EFHC1: variants seen among roughly 807,000 people sequenced by gnomAD.
The protein encoded by EFHC1 is EF-hand domain-containing protein 1.
Under a neutral mutation model 69.9 loss-of-function variants are expected in EFHC1, and 53 were observed. That is an observed-to-expected ratio of 0.76 (90% confidence interval 0.61 to 0.95). The LOEUF (loss-of-function observed/expected upper bound fraction) is 0.95. Among genes scored for constraint, EFHC1 ranks in the 40% least tolerant of loss-of-function variants. The probability of loss-of-function intolerance (pLI) is 0.00; values close to 1 mark genes in which losing one functional copy is unlikely to be tolerated. For synonymous variants in EFHC1, 256 were observed against 278.4 expected (o/e 0.92, Z 0.80); for missense variants, 739 against 798.7 (o/e 0.93, Z 0.90).
At chr6:52,439,198 T>C (rs746670130) in intron 3 of EFHC1, among the ~76,000 whole-genome samples, 12 of 152,166 alleles carry the variant, frequency 7.9e-5, no homozygotes, top group Non-Finnish European at 1.3e-4. Flanking sequence ...ATAGGTGGCC[T>C]TTCTTTACTA....
rs1473870839 is a variant in EFHC1, at chr6:52,494,481, G to T, written c.*2140G>T. ...AAAGGTTAAGCGGGTAGAAACCAGA[G>T]AAAAAGGGCAAAGTCTTATTTCTGT... On this transcript the variant is annotated 3_prime_UTR_variant, in exon 11 of 11. Coordinates refer to ENST00000371068, the MANE Select transcript of EFHC1 (RefSeq NM_018100.4). The T allele has an allele frequency of 2.2e-6, 1 of 454,100 alleles. No homozygotes were observed. Among genetic ancestry groups the T allele is most frequent in the East Asian group, 6.9e-5 (1 of 14,402 alleles). 28.1% of individuals were successfully genotyped at this position (454,100 alleles called of 1,614,324 possible). A position where few individuals can be genotyped will look rare whatever the true frequency, so the allele number is the denominator to read the frequency against.
intron 2 of EFHC1, among the ~76,000 whole-genome samples, chr6:52,431,287 G>A (rs929891802): frequency 5.3e-5 from 8 of 151,850 alleles, no homozygotes; most frequent in Non-Finnish European, 8.8e-5. Context: ...TTGAGGTGTG[G>A]CCTTAGATTG....
intron 9 of EFHC1, among the ~76,000 whole-genome samples, chr6:52,484,871 G>A (rs1765754867): frequency 6.6e-6 from 1 of 152,008 alleles, no homozygotes; most frequent in Admixed American, 6.5e-5. Context: ...AGAGAGAGGA[G>A]AAGTTATGAA....
At chr6:52,453,284 G>A in intron 4 of EFHC1, 1 of 1,287,578 alleles carries the variant, frequency 7.8e-7, no homozygotes, top group East Asian at 5.5e-5. Context: ...CACTACAGAT[G>A]CTTCCTTGTT....
At chr6:52,453,364 C>A in intron 4 of EFHC1, 1 of 1,287,176 alleles carries the variant, frequency 7.8e-7, no homozygotes, top group Non-Finnish European at 1.0e-6. Flanking sequence ...CCTTCCTAAT[C>A]CTCTCCCTTG....
chr6:52,447,663 T>C (rs1252933035), intron 3 of EFHC1, among the ~76,000 whole-genome samples: 2 of 152,254 alleles, frequency 1.3e-5, no homozygotes, highest in Non-Finnish European at 2.9e-5. Context: ...TTTTAGAATT[T>C]TTAGCTTTTC....
chr6:52,422,771 T>TAA (rs1254146870), intron 1 of EFHC1, among the ~76,000 whole-genome samples: 8 of 152,294 alleles, frequency 5.3e-5, no homozygotes, highest in African/African-American at 1.4e-4. Context: ...GTGTTCATTG[T>TAA]AAAAAATCAA....
intron 9 of EFHC1, chr6:52,487,090 C>T (rs1052334299): frequency 1.3e-5 from 2 of 151,762 alleles, no homozygotes; most frequent in African/African-American, 2.4e-5. Context: ...CATGACTACT[C>T]AACTCTACCC....
Position 52,495,807 on chromosome 6 carries a change from T to A in EFHC1, c.*3466T>A, listed in dbSNP as rs1305116931. 1 of 353,092 alleles carries A rather than the reference T, an allele frequency of 2.8e-6. No homozygotes were observed. Among genetic ancestry groups the A allele is most frequent in the Non-Finnish European group, 5.6e-6 (1 of 179,984 alleles). 21.9% of individuals were successfully genotyped at this position (353,092 alleles called of 1,614,324 possible). On this transcript the variant is annotated 3_prime_UTR_variant, in exon 11 of 11. Transcript: ENST00000371068. ...TTAAGTTTGCTGTCCACTTCTTGCC[T>A]TGCATCTCCTTTTAAGTTTACTTAA...
At chr6:52,432,432 G>A (rs1348587264) in intron 2 of EFHC1, among the ~76,000 whole-genome samples, 1 of 152,084 alleles carries the variant, frequency 6.6e-6, no homozygotes, top group Non-Finnish European at 1.5e-5. Flanking sequence ...TTGTTTTTCT[G>A]AAAAAGACTG....
chr6:52,470,317 A>G (rs1232379822), intron 7 of EFHC1, among the ~76,000 whole-genome samples: 5 of 152,210 alleles, frequency 3.3e-5, no homozygotes, highest in Non-Finnish European at 5.9e-5. Flanking sequence ...ATGTAGGCCA[A>G]CTAGAACACT....
intron 5 of EFHC1, among the ~76,000 whole-genome samples, chr6:52,461,181 AAC>A (rs1765157553): frequency 6.6e-6 from 1 of 152,100 alleles, no homozygotes; most frequent in African/African-American, 2.4e-5. Flanking sequence ...TATTAAGCCT[AAC>A]ACCCATCAGT....
chr6:52,443,936 C>G (rs531684185), intron 3 of EFHC1, among the ~76,000 whole-genome samples: 7 of 152,272 alleles, frequency 4.6e-5, no homozygotes, highest in Admixed American at 4.6e-4. Flanking sequence ...AATGTTCTTC[C>G]ATTTGTTTGT....
chr6:52,449,056 T>C (rs1764855518), intron 3 of EFHC1, among the ~76,000 whole-genome samples: 2 of 152,230 alleles, frequency 1.3e-5, no homozygotes, highest in Admixed American at 1.3e-4. Context: ...GAATCCCTCC[T>C]CCTCAACTTT....
At chr6:52,449,912 T>C (rs1451069319) in intron 3 of EFHC1, among the ~76,000 whole-genome samples, 1 of 152,210 alleles carries the variant, frequency 6.6e-6, no homozygotes, top group African/African-American at 2.4e-5. Flanking sequence ...GGTTGTTAAT[T>C]TGAGATGTAA....
At chr6:52,457,766 C>T (rs1281076412) in intron 5 of EFHC1, among the ~76,000 whole-genome samples, 1 of 152,156 alleles carries the variant, frequency 6.6e-6, no homozygotes, top group Non-Finnish European at 1.5e-5. Context: ...TTCAGACTGG[C>T]TTTCATAGTT....
intron 3 of EFHC1, 50 bp from the exon 4 acceptor site, chr6:52,452,638 C>T: frequency 1.9e-6 from 3 of 1,599,386 alleles, no homozygotes; most frequent in Non-Finnish European, 8.6e-7. Flanking sequence ...TTATAACTTA[C>T]TCTGAAAAGC....
At chr6:52,427,514 T>C (rs1484477617) in intron 2 of EFHC1, among the ~76,000 whole-genome samples, 1 of 151,798 alleles carries the variant, frequency 6.6e-6, no homozygotes, top group East Asian at 1.9e-4. Context: ...GCCACTCTGC[T>C]ATGGCAGTTC....
intron 9 of EFHC1, chr6:52,484,001 G>A (rs1456965727): frequency 6.6e-6 from 1 of 152,364 alleles, no homozygotes; most frequent in East Asian, 1.9e-4. Context: ...GGCAGAGAAA[G>A]TGAAGTCAGG....
Sources: allele counts gnomAD v4.1 joint callset (sites outside exome capture counted in the v4.1 genomes callset), GRCh38; gene constraint gnomAD v4.1.1; transcripts MANE v1.5; gene names NCBI Gene and HGNC (gene_info 2026-07-23, HGNC 2026-07-21).